Variants in ZHX2 observed in about 807,000 individuals in gnomAD.
ZHX2 encodes zinc fingers and homeoboxes protein 2.
ZHX2 carries 6 observed loss-of-function variants against 21.9 expected under a neutral mutation model. The ratio of observed to expected loss-of-function variants is 0.27; its 90% CI spans 0.15 to 0.54. The LOEUF is 0.54. ZHX2 is among the 20% of genes least tolerant of loss of function. ZHX2 has a pLI of 0.95. For synonymous variants in ZHX2, 434 were observed against 437.1 expected (o/e 0.99, Z 0.09); for missense variants, 908 against 1,090.7 (o/e 0.83, Z 2.36).
chr8:122,877,190 A>G (rs1172130543), intron 2 of ZHX2, among the ~76,000 whole-genome samples: 5 of 152,194 alleles, frequency 3.3e-5, no homozygotes, highest in Non-Finnish European at 7.3e-5. Context: ...TCATCCACAA[A>G]TTGGGGATAA....
At chr8:122,810,771 A>G (rs1563738168) in intron 1 of ZHX2, among the ~76,000 whole-genome samples, 2 of 151,860 alleles carry the variant, frequency 1.3e-5, no homozygotes, top group Admixed American at 1.3e-4. Flanking sequence ...GAAATGGAAT[A>G]TCCACAGACT....
intron 1 of ZHX2, among the ~76,000 whole-genome samples, chr8:122,819,727 C>T (rs764053628): frequency 2.0e-5 from 3 of 152,240 alleles, no homozygotes; most frequent in East Asian, 3.8e-4. Flanking sequence ...ACAAAGTTGA[C>T]GAGAGCCCAG....
At chr8:122,830,387 A>G (rs1209700340) in intron 1 of ZHX2, among the ~76,000 whole-genome samples, 3 of 152,274 alleles carry the variant, frequency 2.0e-5, no homozygotes, top group African/African-American at 7.2e-5. Flanking sequence ...GGGCCTGAGA[A>G]GGGAGGAGTT....
At chr8:122,931,267 C>T (rs1233454147) in intron 2 of ZHX2, among the ~76,000 whole-genome samples, 1 of 152,184 alleles carries the variant, frequency 6.6e-6, no homozygotes, top group African/African-American at 2.4e-5. Context: ...TTATGCAGGG[C>T]TCGTACACTG....
rs1220719990 is a variant in ZHX2 at position 122,828,124 on chromosome 8, T to C, written c.-282-35353T>C. ...GAGACCCTGTCTCTAAATAAATAAA[T>C]AAAAGAGAAAAGCTGGCTCGCAGGA... On this transcript the variant is annotated intron_variant, in intron 1 of 3. Coordinates refer to ENST00000314393, the MANE Select transcript of ZHX2 (RefSeq NM_014943.5). The surrounding 1 kb of genome is among the most constrained non-coding windows in gnomAD (Gnocchi z 5.2). Among the ~76,000 whole-genome samples, 10 of 151,588 alleles carry C rather than the reference T, an allele frequency of 6.6e-5. No individual in the cohort carries two copies. Among genetic ancestry groups the C allele is most frequent in the Non-Finnish European group, 1.5e-4 (10 of 67,904 alleles).
chr8:122,827,582 C>T (rs1316794387), intron 1 of ZHX2, among the ~76,000 whole-genome samples: 1 of 152,082 alleles, frequency 6.6e-6, no homozygotes, highest in Non-Finnish European at 1.5e-5. Context: ...CCCAAGGTTA[C>T]CCAGATCTGT....
At chr8:122,808,368 C>T (rs1296264493) in intron 1 of ZHX2, among the ~76,000 whole-genome samples, 1 of 152,142 alleles carries the variant, frequency 6.6e-6, no homozygotes, top group African/African-American at 2.4e-5. Context: ...AGGAAACGTA[C>T]AATCATGGGT....
At chr8:122,947,132 G>GGCTTAT (rs1812996706) in intron 2 of ZHX2, among the ~76,000 whole-genome samples, 1 of 150,218 alleles carries the variant, frequency 6.7e-6, no homozygotes, top group Non-Finnish European at 1.5e-5. Flanking sequence ...CAGGCATGGT[G>GGCTTAT]GCTTATGCGT....
At chr8:122,871,620 A>G (rs1413106497) in intron 2 of ZHX2, among the ~76,000 whole-genome samples, 1 of 150,986 alleles carries the variant, frequency 6.6e-6, no homozygotes, top group Non-Finnish European at 1.5e-5. Flanking sequence ...TGGCACATGT[A>G]TACATATGTA....
intron 2 of ZHX2, among the ~76,000 whole-genome samples, chr8:122,887,383 T>C (rs1402178580): frequency 6.7e-6 from 1 of 150,306 alleles, no homozygotes; most frequent in African/African-American, 2.4e-5. Context: ...CCGGGTGTGG[T>C]GGCAGGCGCC....
At chr8:122,839,130 C>CT (rs1048977983) in intron 1 of ZHX2, among the ~76,000 whole-genome samples, 5 of 151,264 alleles carry the variant, frequency 3.3e-5, no homozygotes, top group South Asian at 2.1e-4. Context: ...ACCCTCATTA[C>CT]TTTTTTTTTC....
intron 1 of ZHX2, among the ~76,000 whole-genome samples, chr8:122,859,458 G>T (rs935940396): frequency 6.6e-6 from 1 of 152,208 alleles, no homozygotes. Flanking sequence ...ATCCTGGAGG[G>T]GAAGGCGGCA....
intron 2 of ZHX2, among the ~76,000 whole-genome samples, chr8:122,942,258 T>G (rs1043954904): frequency 6.6e-6 from 1 of 151,906 alleles, no homozygotes; most frequent in African/African-American, 2.4e-5. Context: ...AAAGGAGCAA[T>G]TCCTGCTCCC....
At chr8:122,797,094 A>G (rs1450310999) in intron 1 of ZHX2, among the ~76,000 whole-genome samples, 2 of 152,142 alleles carry the variant, frequency 1.3e-5, no homozygotes, top group Non-Finnish European at 2.9e-5. Flanking sequence ...ATTGGATGAG[A>G]TATGTGAGTA....
chr8:122,852,409 A>C (rs1256948832), intron 1 of ZHX2, among the ~76,000 whole-genome samples: 1 of 152,122 alleles, frequency 6.6e-6, no homozygotes, highest in African/African-American at 2.4e-5. Context: ...TTAATTCCCC[A>C]AACCACTCTT....
chr8:122,798,365 G>A (rs1294108308), intron 1 of ZHX2, among the ~76,000 whole-genome samples: 1 of 152,156 alleles, frequency 6.6e-6, no homozygotes, highest in Non-Finnish European at 1.5e-5. Flanking sequence ...ATTCTCCATT[G>A]AAGTTCCCTG....
At chr8:122,925,258 T>C (rs1254368263) in intron 2 of ZHX2, among the ~76,000 whole-genome samples, 2 of 152,216 alleles carry the variant, frequency 1.3e-5, no homozygotes, top group Admixed American at 1.3e-4. Context: ...AGTGAGGTTC[T>C]TAGTAGTGTC....
chr8:122,875,075 A>T (rs1331009414), intron 2 of ZHX2, among the ~76,000 whole-genome samples: 3 of 133,676 alleles, frequency 2.2e-5, no homozygotes, highest in African/African-American at 8.1e-5. Flanking sequence ...CTGGATCCAG[A>T]TTTCTCTTTT....
At chr8:122,843,553 C>T (rs1371769306) in intron 1 of ZHX2, among the ~76,000 whole-genome samples, 1 of 152,220 alleles carries the variant, frequency 6.6e-6, no homozygotes, top group East Asian at 1.9e-4. Context: ...TTTTAAGGGA[C>T]CCCTCGTGTA....
Sources: gnomAD v4.1 joint callset for allele counts (sites outside exome capture counted in the v4.1 genomes callset) on GRCh38, gnomAD v4.1.1 for gene constraint, Gnocchi (gnomAD v3.1) non-coding constraint, MANE v1.5 for transcripts, NCBI Gene and HGNC (gene_info 2026-07-23, HGNC 2026-07-21) for gene names.